APBB2: variants seen among roughly 807,000 people sequenced by gnomAD.
APBB2 encodes Fe65-like 1.
In APBB2, 38 loss-of-function variants were observed where a neutral mutation model predicts 82.5. The ratio of observed to expected loss-of-function variants is 0.46; its 90% confidence interval spans 0.36 to 0.60. The LOEUF is 0.60. Ranked by LOEUF, APBB2 falls within the 20% of genes least tolerant of loss-of-function variation. The pLI is 0.00. For synonymous variants in APBB2, 341 were observed against 368.2 expected (o/e 0.93, Z 0.85); for missense variants, 772 against 972.3 (o/e 0.79, Z 2.74).
At chr4:40,897,656 C>T (rs569340038) in intron 10 of APBB2, among the ~76,000 whole-genome samples, 1 of 152,264 alleles carries the variant, frequency 6.6e-6, no homozygotes, top group African/African-American at 2.4e-5. Context: ...AGTTTCACCC[C>T]ATTCCATGTG....
chr4:40,891,857 T>C (rs1347869138), intron 11 of APBB2, among the ~76,000 whole-genome samples: 3 of 152,100 alleles, frequency 2.0e-5, no homozygotes, highest in Non-Finnish European at 4.4e-5. Context: ...CCACCTACCT[T>C]CTAAATCCTA....
At chr4:41,008,997 T>C (rs942544487) in intron 6 of APBB2, among the ~76,000 whole-genome samples, 1 of 152,244 alleles carries the variant, frequency 6.6e-6, no homozygotes, top group African/African-American at 2.4e-5. Context: ...AGTTTCATAC[T>C]CTGTGTCTTC....
At chr4:40,999,029 T>G (rs1804413586) in intron 6 of APBB2, among the ~76,000 whole-genome samples, 1 of 152,146 alleles carries the variant, frequency 6.6e-6, no homozygotes, top group South Asian at 2.1e-4. Flanking sequence ...CCTCGGTGTA[T>G]TGCAGGTAAC....
chr4:40,921,463 G>T (rs1187914663), intron 10 of APBB2, among the ~76,000 whole-genome samples: 1 of 152,206 alleles, frequency 6.6e-6, no homozygotes, highest in Non-Finnish European at 1.5e-5. Flanking sequence ...GGCTGGACCT[G>T]AAGAAATGTT....
intron 4 of APBB2, among the ~76,000 whole-genome samples, chr4:41,053,189 A>G (rs1726688571): frequency 6.6e-6 from 1 of 152,204 alleles, no homozygotes; most frequent in South Asian, 2.1e-4. Flanking sequence ...GTGAAATTTT[A>G]CTATATGATG....
intron 10 of APBB2, among the ~76,000 whole-genome samples, chr4:40,919,777 C>A (rs1228041082): frequency 6.6e-6 from 1 of 152,240 alleles, no homozygotes; most frequent in South Asian, 2.1e-4. Context: ...ATTATCAAAG[C>A]ATCTCTACAA....
At chr4:41,101,327 G>A (rs1178441834) in intron 2 of APBB2, among the ~76,000 whole-genome samples, 4 of 150,750 alleles carry the variant, frequency 2.7e-5, no homozygotes, top group Admixed American at 2.0e-4. Flanking sequence ...AGCCGGGCGC[G>A]GTGGCGGGCG....
At chr4:41,029,528 C>A (rs559729372) in intron 5 of APBB2, among the ~76,000 whole-genome samples, 14 of 152,318 alleles carry the variant, frequency 9.2e-5, no homozygotes, top group African/African-American at 2.9e-4. Flanking sequence ...TTAAACTTAA[C>A]TGCCTGAGGA....
At chr4:40,900,414 C>T (rs1205774621) in intron 10 of APBB2, among the ~76,000 whole-genome samples, 3 of 150,398 alleles carry the variant, frequency 2.0e-5, no homozygotes, top group Admixed American at 1.3e-4. Flanking sequence ...ATGAAGGATA[C>T]ACTGAGGCAC....
intron 6 of APBB2, among the ~76,000 whole-genome samples, chr4:40,948,635 C>T (rs1191750471): frequency 1.3e-5 from 2 of 151,712 alleles, no homozygotes; most frequent in Non-Finnish European, 2.9e-5. Flanking sequence ...TGGTGGACAC[C>T]TGTAATCCCA....
At chr4:41,012,290 A>G (rs1808596888) in intron 6 of APBB2, among the ~76,000 whole-genome samples, 1 of 152,242 alleles carries the variant, frequency 6.6e-6, no homozygotes. Flanking sequence ...AGCTTGGCTG[A>G]AAGATGTGCA....
At chr4:40,970,694 C>T (rs956617925) in intron 6 of APBB2, among the ~76,000 whole-genome samples, 1 of 152,050 alleles carries the variant, frequency 6.6e-6, no homozygotes, top group Non-Finnish European at 1.5e-5. Context: ...CAATGAGGCA[C>T]CACTGGTAGG....
intron 4 of APBB2, among the ~76,000 whole-genome samples, chr4:41,063,950 A>ATTTTTTTTTTTTTT (rs11422110): frequency 2.2e-5 from 2 of 91,794 alleles, no homozygotes; most frequent in Non-Finnish European, 2.0e-5. Flanking sequence ...AAATGCTGGG[A>ATTTTTTTTTTTTTT]TTTTTTTTTT....
At chr4:40,918,068 G>C (rs1780275781) in intron 10 of APBB2, among the ~76,000 whole-genome samples, 1 of 152,204 alleles carries the variant, frequency 6.6e-6, no homozygotes, top group South Asian at 2.1e-4. Context: ...AGGAGAGGAT[G>C]GCAGTTCACA....
At chr4:41,098,810 T>G (rs932014719) in intron 3 of APBB2, among the ~76,000 whole-genome samples, 2 of 152,214 alleles carry the variant, frequency 1.3e-5, no homozygotes, top group African/African-American at 4.8e-5. Context: ...TAAACACCAC[T>G]GCAAATATCT....
chr4:41,101,794 T>C (rs1421016326), intron 2 of APBB2, among the ~76,000 whole-genome samples: 3 of 150,666 alleles, frequency 2.0e-5, no homozygotes, highest in Non-Finnish European at 3.0e-5. Flanking sequence ...CCCATCTCTA[T>C]TAAAAATACA....
At chr4:41,001,643 C>T (rs1447769232) in intron 6 of APBB2, among the ~76,000 whole-genome samples, 2 of 152,120 alleles carry the variant, frequency 1.3e-5, no homozygotes, top group Admixed American at 6.5e-5. Context: ...TTTGGGAGGC[C>T]AAGGCAGGCG....
intron 6 of APBB2, among the ~76,000 whole-genome samples, chr4:41,008,176 G>A (rs1202333026): frequency 6.6e-6 from 1 of 152,132 alleles, no homozygotes; most frequent in Non-Finnish European, 1.5e-5. Context: ...GAGCTGTGTC[G>A]GAAAACCTAG....
intron 3 of APBB2, among the ~76,000 whole-genome samples, chr4:41,088,733 A>G (rs1482515620): frequency 1.3e-5 from 2 of 152,226 alleles, no homozygotes; most frequent in Non-Finnish European, 2.9e-5. Flanking sequence ...TAGGCCTGCC[A>G]TAACTAGCAG....
Sources: gnomAD v4.1 joint callset for allele counts (sites outside exome capture counted in the v4.1 genomes callset) on GRCh38, gnomAD v4.1.1 for gene constraint, MANE v1.5 for transcripts, NCBI Gene and HGNC (gene_info 2026-07-23, HGNC 2026-07-21) for gene names.